The following FSTL5 variants were observed in gnomAD, a reference collection of about 807,000 sequenced individuals.
FSTL5 encodes the protein follistatin-related protein 5.
A neutral mutation model predicts 89.1 loss-of-function variants in FSTL5; 62 were observed. That is an observed-to-expected ratio of 0.70 (90% CI 0.57 to 0.86). The LOEUF (loss-of-function observed/expected upper bound fraction) is 0.86. Ranked by LOEUF, FSTL5 falls within the 40% of genes least tolerant of loss-of-function variation. FSTL5 has a pLI of 0.00. For missense variants in FSTL5, 1,057 were observed against 1,001.6 expected (o/e 1.06, Z -0.75); for synonymous variants, 383 against 346.2 (o/e 1.11, Z -1.18).
intron 13 of FSTL5, among the ~76,000 whole-genome samples, chr4:161,459,956 A>G (rs115439198): frequency 0.053 from 8,034 of 151,024 alleles, 673 homozygotes; most frequent in African/African-American, 0.18. Context: ...AATAATATGT[A>G]TAATATTTAT....
At position 161,514,226 on chromosome 4, in the gene FSTL5, T is replaced by C. The variant is rs58047970; in HGVS notation, c.1313-3802A>G. ...ATGGATGATTGGATAAATAAAGTAT[T>C]ACACACACACACACATACACACACA... On this transcript the variant is annotated intron_variant, in intron 10 of 15. Coordinates refer to ENST00000306100, the MANE Select transcript of FSTL5 (RefSeq NM_020116.5). Among the ~76,000 whole-genome samples the C allele has an allele frequency of 6.7e-3, 1,007 of 150,624 alleles. 8 individuals carry two copies. Among genetic ancestry groups the C allele is most frequent in the African/African-American group, 0.022 (915 of 41,172 alleles).
At chr4:161,852,291 A>C (rs1460697978) in intron 4 of FSTL5, among the ~76,000 whole-genome samples, 1 of 152,218 alleles carries the variant, frequency 6.6e-6, no homozygotes, top group Non-Finnish European at 1.5e-5. Flanking sequence ...GAATTTACTG[A>C]AAAACTAACA....
At chr4:161,728,312 G>A (rs1255376906) in intron 6 of FSTL5, among the ~76,000 whole-genome samples, 1 of 152,150 alleles carries the variant, frequency 6.6e-6, no homozygotes, top group Non-Finnish European at 1.5e-5. Context: ...TATCTAGCCA[G>A]CTGGTTAAAA....
At chr4:161,851,645 G>A (rs1731552572) in intron 4 of FSTL5, among the ~76,000 whole-genome samples, 1 of 151,936 alleles carries the variant, frequency 6.6e-6, no homozygotes, top group South Asian at 2.1e-4. Context: ...AATTCTGGAT[G>A]TTGGTTTAAA....
chr4:162,142,897 T>C (rs1394758627), intron 1 of FSTL5, among the ~76,000 whole-genome samples: 2 of 152,318 alleles, frequency 1.3e-5, no homozygotes, highest in South Asian at 2.1e-4. Context: ...GTTTTAACAA[T>C]TAAATGAGAT....
At chr4:161,579,109 A>G (rs949279731) in intron 8 of FSTL5, among the ~76,000 whole-genome samples, 1 of 152,188 alleles carries the variant, frequency 6.6e-6, no homozygotes, top group African/African-American at 2.4e-5. Flanking sequence ...TAACTTTTAA[A>G]GCAAAAATGG....
intron 2 of FSTL5, among the ~76,000 whole-genome samples, chr4:162,077,033 G>C (rs1174571129): frequency 6.6e-6 from 1 of 151,754 alleles, no homozygotes; most frequent in Non-Finnish European, 1.5e-5. Context: ...GCATATACTT[G>C]TCTTTTAATG....
chr4:161,878,194 G>A (rs1732510738), intron 4 of FSTL5, among the ~76,000 whole-genome samples: 1 of 152,032 alleles, frequency 6.6e-6, no homozygotes, highest in South Asian at 2.1e-4. Context: ...ATTTAAATGA[G>A]AAGTGCTATA....
intron 4 of FSTL5, among the ~76,000 whole-genome samples, chr4:161,826,233 G>T (rs1041220001): frequency 6.6e-6 from 1 of 152,010 alleles, no homozygotes; most frequent in African/African-American, 2.4e-5. Flanking sequence ...TTCTCCTGTG[G>T]TCTGAGAGAG....
chr4:161,735,537 C>A (rs1205149324), intron 6 of FSTL5, among the ~76,000 whole-genome samples: 1 of 152,106 alleles, frequency 6.6e-6, no homozygotes, highest in Non-Finnish European at 1.5e-5. Context: ...TCCTGTTTTC[C>A]ATTATCATCT....
At chr4:161,881,218 T>C (rs1014815477) in intron 4 of FSTL5, among the ~76,000 whole-genome samples, 12 of 149,252 alleles carry the variant, frequency 8.0e-5, no homozygotes, top group Non-Finnish European at 1.5e-4. Flanking sequence ...ATATATTTAA[T>C]ATTTTAATAA....
At chr4:161,665,376 G>A (rs909040578) in intron 6 of FSTL5, among the ~76,000 whole-genome samples, 6 of 152,164 alleles carry the variant, frequency 3.9e-5, no homozygotes, top group African/African-American at 1.4e-4. Context: ...CCAGACTACA[G>A]GCGCCCGCTA....
chr4:161,912,092 C>T (rs988409869), intron 4 of FSTL5, among the ~76,000 whole-genome samples: 6 of 152,138 alleles, frequency 3.9e-5, no homozygotes, highest in South Asian at 4.1e-4. Flanking sequence ...ATTTTATCCT[C>T]AATTACATAT....
chr4:161,812,097 A>G (rs1730167605), intron 4 of FSTL5, among the ~76,000 whole-genome samples: 1 of 152,230 alleles, frequency 6.6e-6, no homozygotes, highest in South Asian at 2.1e-4. Flanking sequence ...AGTACATAAA[A>G]TGGCAATGCA....
At chr4:162,019,924 T>C (rs1174668053) in intron 3 of FSTL5, among the ~76,000 whole-genome samples, 1 of 149,890 alleles carries the variant, frequency 6.7e-6, no homozygotes. Context: ...GACATTGTTG[T>C]GAATTTAATA....
chr4:161,620,817 T>C (rs1029298451), intron 7 of FSTL5, among the ~76,000 whole-genome samples: 4 of 152,190 alleles, frequency 2.6e-5, no homozygotes, highest in Admixed American at 2.6e-4. Flanking sequence ...AAATGATGAA[T>C]ATAACAGAAA....
intron 3 of FSTL5, among the ~76,000 whole-genome samples, chr4:161,945,196 CCAGA>C (rs540025361): frequency 6.8e-4 from 104 of 152,232 alleles, no homozygotes; most frequent in African/African-American, 2.3e-3. Flanking sequence ...CTTCCACTGC[CCAGA>C]CAAATACTAC....
intron 7 of FSTL5, among the ~76,000 whole-genome samples, chr4:161,607,563 T>C (rs1726703456): frequency 6.6e-6 from 1 of 152,160 alleles, no homozygotes; most frequent in South Asian, 2.1e-4. Context: ...TGTCAGAAAA[T>C]GTTTATTGGG....
At chr4:161,708,304 C>A (rs1458420720) in intron 6 of FSTL5, among the ~76,000 whole-genome samples, 4 of 151,928 alleles carry the variant, frequency 2.6e-5, no homozygotes, top group Non-Finnish European at 2.9e-5. Flanking sequence ...TGTCTCACTT[C>A]TTTACTTACA....
Sources: gnomAD v4.1 joint callset for allele counts (sites outside exome capture counted in the v4.1 genomes callset) on GRCh38, gnomAD v4.1.1 for gene constraint, MANE v1.5 for transcripts, NCBI Gene and HGNC (gene_info 2026-07-23, HGNC 2026-07-21) for gene names.